The following PCDH9 variants were observed in gnomAD, a reference collection of about 807,000 sequenced individuals.
PCDH9 encodes the protein protocadherin 9, also known as protocadherin-9.
PCDH9 carries 24 observed loss-of-function variants against 70.6 expected under a neutral mutation model. The ratio of observed to expected loss-of-function variants is 0.34; its 90% CI spans 0.25 to 0.48. PCDH9 has a LOEUF of 0.48. Among genes scored for constraint, PCDH9 ranks in the 20% least tolerant of loss-of-function variants. PCDH9 has a pLI of 0.99. For synonymous variants in PCDH9, 562 were observed against 558.5 expected, an observed-to-expected ratio of 1.01 and a Z score of -0.09; for missense variants, 1,281 against 1,503.6, an observed-to-expected ratio of 0.85 and a Z score of 2.45.
chr13:66,511,258 A>C (rs1485086182), intron 4 of PCDH9, among the ~76,000 whole-genome samples: 3 of 152,200 alleles, frequency 2.0e-5, no homozygotes, highest in African/African-American at 7.2e-5. Context: ...GTTATTAATA[A>C]AATTCAAAAT....
chr13:66,556,062 A>C (rs1961727907), intron 4 of PCDH9, among the ~76,000 whole-genome samples: 1 of 151,266 alleles, frequency 6.6e-6, no homozygotes, highest in Non-Finnish European at 1.5e-5. Context: ...TTTTTTGCTG[A>C]TGATAATATA....
At chr13:66,565,930 A>G (rs2076646264) in intron 4 of PCDH9, among the ~76,000 whole-genome samples, 1 of 152,170 alleles carries the variant, frequency 6.6e-6, no homozygotes, top group African/African-American at 2.4e-5. Flanking sequence ...AGCCTAAATA[A>G]AACAAGAGAA....
intron 2 of PCDH9, among the ~76,000 whole-genome samples, chr13:67,181,938 G>A (rs2088627027): frequency 6.6e-6 from 1 of 152,074 alleles, no homozygotes; most frequent in African/African-American, 2.4e-5. Flanking sequence ...TTAATTTCTA[G>A]GACACTACAG....
At chr13:66,547,593 C>T (rs934521855) in intron 4 of PCDH9, among the ~76,000 whole-genome samples, 2 of 152,002 alleles carry the variant, frequency 1.3e-5, no homozygotes, top group Non-Finnish European at 2.9e-5. Context: ...CTTGTTAACT[C>T]TGATCAAAGT....
At chr13:66,395,397 T>G (rs576635117) in intron 4 of PCDH9, among the ~76,000 whole-genome samples, 4 of 152,164 alleles carry the variant, frequency 2.6e-5, no homozygotes, top group Admixed American at 2.6e-4. Flanking sequence ...GGTCAGGAGT[T>G]CGAGACCAGC....
chr13:66,411,536 C>G (rs561419002), intron 4 of PCDH9, among the ~76,000 whole-genome samples: 1 of 152,222 alleles, frequency 6.6e-6, no homozygotes, highest in South Asian at 2.1e-4. Flanking sequence ...GATCCTCTTG[C>G]CTCAGCCTCC....
intron 4 of PCDH9, among the ~76,000 whole-genome samples, chr13:66,544,832 A>C (rs1212704881): frequency 6.6e-6 from 1 of 152,088 alleles, no homozygotes; most frequent in Non-Finnish European, 1.5e-5. Flanking sequence ...CAATTAGAGC[A>C]GCTAGGGATT....
At chr13:67,013,371 T>C (rs2084491529) in intron 2 of PCDH9, among the ~76,000 whole-genome samples, 1 of 151,760 alleles carries the variant, frequency 6.6e-6, no homozygotes, top group Non-Finnish European at 1.5e-5. Context: ...CTTTATGACA[T>C]AAACATTTTA....
intron 4 of PCDH9, among the ~76,000 whole-genome samples, chr13:66,558,851 C>A (rs1376699111): frequency 6.6e-6 from 1 of 152,170 alleles, no homozygotes; most frequent in Non-Finnish European, 1.5e-5. Context: ...TAAGTCGTTC[C>A]TAGGAGTTTC....
chr13:66,893,310 C>T (rs1184189748), intron 3 of PCDH9, among the ~76,000 whole-genome samples: 1 of 152,104 alleles, frequency 6.6e-6, no homozygotes, highest in Non-Finnish European at 1.5e-5. Flanking sequence ...TTAAGTAAAA[C>T]AGTATTGTAT....
At chr13:66,779,057 T>C (rs2079947303) in intron 3 of PCDH9, among the ~76,000 whole-genome samples, 1 of 152,188 alleles carries the variant, frequency 6.6e-6, no homozygotes, top group East Asian at 1.9e-4. Flanking sequence ...TCCAGTTTAT[T>C]CTATCAATAT....
In PCDH9 at chr13:67,126,536, A is replaced by G. The variant is rs547213314; in HGVS notation, c.3036+98869T>C. Among the ~76,000 whole-genome samples, 5 of 152,272 alleles carry G rather than the reference A, an allele frequency of 3.3e-5. No homozygotes were observed. In the South Asian group the frequency reaches 1.0e-3, roughly 32 times the overall value. On this transcript the variant is annotated intron_variant, in intron 2 of 4. Transcript: ENST00000377865. ...GCAAGTTTGGCCAAGAAGAGAATAG[A>G]CAAGTTTCCTCCTTATTTTAAAAAT...
At chr13:66,652,510 T>C (rs1593841121) in intron 3 of PCDH9, among the ~76,000 whole-genome samples, 1 of 152,022 alleles carries the variant, frequency 6.6e-6, no homozygotes, top group South Asian at 2.1e-4. Flanking sequence ...GATATCTATG[T>C]TCATGAATTG....
Position 67,226,009 on chromosome 13 carries a change from T to C in PCDH9, c.2432A>G (p.Asp811Gly), listed in dbSNP as rs971257618. The change falls in exon 2 of 5, where the codon GAC becomes GGC. Residue 811 changes from aspartate to glycine, a missense_variant. By Grantham distance (94) the Asp-to-Gly change is moderately conservative. Around this residue, in one of 4 missense-constraint regions of PCDH9, gnomAD observed 798 missense variants for 1,003.1 expected, o/e 0.80. Transcript: ENST00000377865. The surrounding 1 kb of genome is among the most constrained non-coding windows in gnomAD (Gnocchi z 5.0). ...GATGGCAATCATGATGGTTAGATAG[T>C]CCTCATTTTGATAGGGTTGGCTACT... ...GDSSQPYQNEDYLTIMIAIIA... is the reference protein window; with the variant it reads ...GDSSQPYQNEGYLTIMIAIIA... The C allele has an allele frequency of 1.2e-6, 2 of 1,613,954 alleles. No individual in the cohort carries two copies. The highest frequency in any genetic ancestry group is 2.7e-5 in the African/African-American group (2 of 74,898).
chr13:67,051,935 G>A (rs1566390581), intron 2 of PCDH9, among the ~76,000 whole-genome samples: 1 of 152,106 alleles, frequency 6.6e-6, no homozygotes, highest in Non-Finnish European at 1.5e-5. Context: ...TGTTTTAAGT[G>A]TTCCCGGCAG....
At chr13:66,339,420 C>T (rs1333028601) in intron 4 of PCDH9, among the ~76,000 whole-genome samples, 1 of 151,994 alleles carries the variant, frequency 6.6e-6, no homozygotes, top group Non-Finnish European at 1.5e-5. Context: ...TTCTACACCT[C>T]TTTTGATTAA....
intron 2 of PCDH9, among the ~76,000 whole-genome samples, chr13:66,941,709 T>A (rs2139683647): frequency 6.6e-6 from 1 of 152,024 alleles, no homozygotes; most frequent in African/African-American, 2.4e-5. Context: ...ATCCTAAACA[T>A]GTATGCACCA....
intron 2 of PCDH9, among the ~76,000 whole-genome samples, chr13:66,947,767 C>A (rs887594869): frequency 1.3e-5 from 2 of 151,940 alleles, no homozygotes; most frequent in African/African-American, 4.8e-5. Context: ...ACAATCAGGA[C>A]AAGATAAGAA....
At chr13:66,397,955 A>C (rs1957131557) in intron 4 of PCDH9, among the ~76,000 whole-genome samples, 1 of 151,980 alleles carries the variant, frequency 6.6e-6, no homozygotes, top group African/African-American at 2.4e-5. Context: ...TATATATTGA[A>C]ATTATAAAAT....
Sources: allele counts gnomAD v4.1 joint callset (sites outside exome capture counted in the v4.1 genomes callset), GRCh38; gene constraint gnomAD v4.1.1; regional missense constraint gnomAD v4.1.1; non-coding constraint Gnocchi (gnomAD v3.1); transcripts MANE v1.5; gene names NCBI Gene and HGNC (gene_info 2026-07-23, HGNC 2026-07-21).